C4orf36: variants seen among roughly 807,000 people sequenced by gnomAD.
C4orf36 encodes chromosome 4 open reading frame 36, also known as uncharacterized protein C4orf36.
Under a neutral mutation model 12.2 loss-of-function variants are expected in C4orf36, and 11 were observed. That is an observed-to-expected ratio of 0.90 (90% CI 0.57 to 1.49). The LOEUF is 1.49. Among genes scored for constraint, C4orf36 ranks in the 40% most tolerant of loss-of-function variants. The pLI is 0.00. For missense variants in C4orf36, 137 were observed against 133.9 expected (o/e 1.02, Z -0.11); for synonymous variants, 54 against 51.3 (o/e 1.05, Z -0.22).
At chr4:86,928,552 C>T in the C4orf36 span, among the ~76,000 whole-genome samples, 1 of 152,322 alleles carries the variant, frequency 6.6e-6, no homozygotes, top group Middle Eastern at 3.4e-3. Flanking sequence ...CTAGACTAGA[C>T]TAGACTAGAT....
chr4:86,902,418 CAAAAAAAA>C, the C4orf36 span, among the ~76,000 whole-genome samples: 23 of 58,960 alleles, frequency 3.9e-4, no homozygotes, highest in Non-Finnish European at 5.4e-4. Flanking sequence ...ATGAGACTCT[CAAAAAAAA>C]AAAAAAAAAA....
chr4:86,928,530 G>C, the C4orf36 span, among the ~76,000 whole-genome samples: 1 of 152,184 alleles, frequency 6.6e-6, no homozygotes, highest in East Asian at 1.9e-4. Flanking sequence ...AGGCAGAGTA[G>C]AGGAAGGGCA....
At chr4:86,881,246 A>C (rs1160895879) in intron 4 of C4orf36, among the ~76,000 whole-genome samples, 2 of 152,178 alleles carry the variant, frequency 1.3e-5, no homozygotes, top group East Asian at 3.8e-4. Context: ...GGAGATGTAA[A>C]GAAGTAGAAT....
chr4:86,912,590 C>T, the C4orf36 span, among the ~76,000 whole-genome samples: 1 of 152,158 alleles, frequency 6.6e-6, no homozygotes, highest in Non-Finnish European at 1.5e-5. Flanking sequence ...GCTCTGCCTG[C>T]TCTCAAAATG....
At chr4:86,890,545 C>A (rs1460359490) in intron 2 of C4orf36, among the ~76,000 whole-genome samples, 2 of 151,606 alleles carry the variant, frequency 1.3e-5, no homozygotes, top group African/African-American at 2.4e-5. Flanking sequence ...GGTACTTGCC[C>A]ATAGTTCAAG....
the C4orf36 span, among the ~76,000 whole-genome samples, chr4:86,916,434 G>A: frequency 1.3e-5 from 2 of 151,548 alleles, no homozygotes; most frequent in Admixed American, 1.3e-4. Flanking sequence ...GAATAAAGTG[G>A]TCATGATGGC....
the C4orf36 span, among the ~76,000 whole-genome samples, chr4:86,928,200 A>C: frequency 6.6e-6 from 1 of 152,244 alleles, no homozygotes; most frequent in East Asian, 1.9e-4. Flanking sequence ...GAAAGACCCA[A>C]AAGGGGAAGG....
chr4:86,923,763 C>CAAA, the C4orf36 span, among the ~76,000 whole-genome samples: 2 of 62,438 alleles, frequency 3.2e-5, no homozygotes, highest in South Asian at 5.8e-4. Context: ...GACTCTGTCT[C>CAAA]AAAAAAAAAA....
chr4:86,876,652 A>G, intron 4 of C4orf36: 1 of 1,613,206 alleles, frequency 6.2e-7, no homozygotes. Flanking sequence ...TGGTCATGGT[A>G]TTTACATACA....
the C4orf36 span, among the ~76,000 whole-genome samples, chr4:86,900,162 T>G: frequency 6.7e-6 from 1 of 148,268 alleles, no homozygotes; most frequent in Non-Finnish European, 1.5e-5. Flanking sequence ...CAGCCTCCCG[T>G]GTAGCTGGGA....
the C4orf36 span, among the ~76,000 whole-genome samples, chr4:86,903,781 T>C: frequency 4.6e-5 from 7 of 152,184 alleles, no homozygotes; most frequent in Admixed American, 1.3e-4. Flanking sequence ...TACAGAGAGC[T>C]GATGGGTCCG....
chr4:86,909,727 C>T, the C4orf36 span, among the ~76,000 whole-genome samples: 1 of 151,954 alleles, frequency 6.6e-6, no homozygotes, highest in Non-Finnish European at 1.5e-5. Flanking sequence ...CACCTCAAAT[C>T]CCCTGCCCAA....
chr4:86,887,486 T>G, intron 4 of C4orf36: 1 of 313,326 alleles, frequency 3.2e-6, no homozygotes, highest in Non-Finnish European at 5.8e-6. Context: ...TTAGTGCAAT[T>G]TTACAAAAAT....
At chr4:86,880,548 C>T (rs1747028826) in intron 4 of C4orf36, among the ~76,000 whole-genome samples, 1 of 152,144 alleles carries the variant, frequency 6.6e-6, no homozygotes, top group Non-Finnish European at 1.5e-5. Flanking sequence ...CTATGTGTGG[C>T]AAAACTGTCC....
Position 86,891,526 on chromosome 4 carries a change from G to GTTA in C4orf36, c.-9_-7dup, listed in dbSNP as rs1349693270. ...CTTGGCACTCCATACGCCATGGTGA[G>GTTA]TTATTACGGTATGATTTCGTTACAT... On this transcript the variant is annotated 5_prime_UTR_variant, in exon 2 of 5. Coordinates refer to ENST00000295898, the MANE Select transcript of C4orf36 (RefSeq NM_144645.4). The GTTA allele has an allele frequency of 6.2e-7, 1 of 1,613,966 alleles. No individual in the cohort carries two copies. The highest frequency in any genetic ancestry group is 8.5e-7 in the Non-Finnish European group (1 of 1,179,932).
At chr4:86,877,664 A>C (rs1486074207) in intron 4 of C4orf36, among the ~76,000 whole-genome samples, 1 of 152,208 alleles carries the variant, frequency 6.6e-6, no homozygotes, top group Non-Finnish European at 1.5e-5. Flanking sequence ...AGTGCTCTTC[A>C]TTTGTGCCAT....
At chr4:86,914,854 G>A in the C4orf36 span, 588 of 419,120 alleles carry the variant, frequency 1.4e-3, 3 homozygotes, top group African/African-American at 0.012. Flanking sequence ...AGCTGGGGTC[G>A]GGGGAGTCCG....
chr4:86,879,880 T>C (rs1158859351), intron 4 of C4orf36, among the ~76,000 whole-genome samples: 5 of 151,416 alleles, frequency 3.3e-5, no homozygotes, highest in Admixed American at 3.3e-4. Context: ...AGATAGGATC[T>C]TGCTCTGTCA....
At chr4:86,925,755 T>A in the C4orf36 span, 1 of 152,050 alleles carries the variant, frequency 6.6e-6, no homozygotes, top group Non-Finnish European at 1.5e-5. Context: ...TTCTAATGTA[T>A]CTAGTGTGGA....
Sources: gnomAD v4.1 joint callset for allele counts (sites outside exome capture counted in the v4.1 genomes callset) on GRCh38, gnomAD v4.1.1 for gene constraint, MANE v1.5 for transcripts, NCBI Gene and HGNC (gene_info 2026-07-23, HGNC 2026-07-21) for gene names.